GUCD1: variants seen among roughly 807,000 people sequenced by gnomAD.
The protein encoded by GUCD1 is guanylyl cyclase domain containing 1.
Under a neutral mutation model 28.3 loss-of-function variants are expected in GUCD1, and 17 were observed. The ratio of observed to expected loss-of-function variants is 0.60; its 90% CI spans 0.41 to 0.90. The LOEUF is 0.90. Ranked by LOEUF, GUCD1 falls within the 40% of genes least tolerant of loss-of-function variation. The probability of loss-of-function intolerance (pLI) is 0.00; values close to 1 mark genes in which losing one functional copy is unlikely to be tolerated. For missense variants in GUCD1, 279 were observed against 305.5 expected (o/e 0.91, Z 0.65); for synonymous variants, 129 against 123.3 (o/e 1.05, Z -0.30).
At chr22:24,547,030 G>C (rs746314991) in intron 3 of GUCD1, 25 bp from the exon 4 acceptor site, 1 of 1,566,418 alleles carries the variant, frequency 6.4e-7, no homozygotes, top group Non-Finnish European at 8.8e-7. Flanking sequence ...GGGGGATGGA[G>C]TGGCCACCAC....
At chr22:24,545,802 AC>A (rs934860927) in intron 4 of GUCD1, among the ~76,000 whole-genome samples, 6 of 151,508 alleles carry the variant, frequency 4.0e-5, no homozygotes, top group African/African-American at 1.5e-4. Flanking sequence ...ACGGGGTTTC[AC>A]CATGATCTCG....
At position 24,543,054 on chromosome 22, in the gene GUCD1, G is replaced by C; in HGVS notation, c.672C>G (p.Thr224=). Residue 224 remains threonine, a synonymous_variant, in exon 6 of 6, where the codon ACC becomes ACG. Coordinates refer to ENST00000435822, the MANE Select transcript of GUCD1 (RefSeq NM_001284254.2). ...TSISNFEEAR[T]SYGTDEDILF... Reference sequence around the variant, plus strand: ...GGATGTCCTCATCTGTGCCATAGCTGGTTCTGGCCTCCTCAAAGTTACTGA... The same window carrying C: ...GGATGTCCTCATCTGTGCCATAGCTCGTTCTGGCCTCCTCAAAGTTACTGA... The C allele has an allele frequency of 1.2e-6, 2 of 1,614,050 alleles. No homozygotes were observed. Among genetic ancestry groups the C allele is most frequent in the Non-Finnish European group, 1.7e-6 (2 of 1,179,904 alleles).
intron 5 of GUCD1, 90 bp from the exon 6 acceptor site, chr22:24,543,187 G>A: frequency 1.1e-6 from 1 of 924,584 alleles, no homozygotes; most frequent in South Asian, 1.3e-5. Flanking sequence ...GCTGAGTGAG[G>A]TCTGTTTCCC....
At chr22:24,554,345 G>T (rs189818913) in intron 1 of GUCD1, among the ~76,000 whole-genome samples, 1 of 152,160 alleles carries the variant, frequency 6.6e-6, no homozygotes, top group Admixed American at 6.5e-5. Flanking sequence ...TGAAGGTCAG[G>T]GTCCCACATG....
At chr22:24,553,091 G>A (rs1375258155) in intron 1 of GUCD1, among the ~76,000 whole-genome samples, 4 of 152,242 alleles carry the variant, frequency 2.6e-5, no homozygotes, top group African/African-American at 4.8e-5. Flanking sequence ...CTCTATGCAG[G>A]ATGTTGTGCT....
upstream of GUCD1, chr22:24,555,150 A>G: frequency 7.7e-7 from 1 of 1,306,874 alleles, no homozygotes; most frequent in Non-Finnish European, 9.7e-7. Flanking sequence ...GGCCGCCCCA[A>G]GCGCCGCCCC....
upstream of GUCD1, chr22:24,555,245 T>A (rs892040861): frequency 5.4e-5 from 71 of 1,320,842 alleles, no homozygotes; most frequent in Non-Finnish European, 6.6e-5. Flanking sequence ...CCCAGCCTCT[T>A]GATTTAAGTC....
intron 2 of GUCD1, 77 bp from the exon 3 acceptor site, chr22:24,548,150 C>A: frequency 7.8e-7 from 1 of 1,287,890 alleles, no homozygotes; most frequent in Non-Finnish European, 1.1e-6. Context: ...CCCACTGGCC[C>A]AAGAGCCCCG....
In GUCD1 at chr22:24,541,343, G is replaced by C. The variant is rs1030901225; in HGVS notation, c.*1663C>G. 1 of 152,312 alleles carries C rather than the reference G, an allele frequency of 6.6e-6. No individual in the cohort carries two copies. The highest frequency in any genetic ancestry group is 2.4e-5 in the African/African-American group (1 of 41,458). 9.4% of individuals were successfully genotyped at this position (152,312 alleles called of 1,614,324 possible). A position where few individuals can be genotyped will look rare whatever the true frequency, so the allele number is the denominator to read the frequency against. On this transcript the variant is annotated 3_prime_UTR_variant, in exon 6 of 6. Coordinates refer to ENST00000435822, the MANE Select transcript of GUCD1 (RefSeq NM_001284254.2). ...GAGCAGGACCCAGGAGTGCAGGGAT[G>C]GTATCACTGTTGCCCCTTTGAAAAT... is the stretch of plus-strand genomic sequence containing the variant.
intron 2 of GUCD1, 74 bp downstream of exon 2, chr22:24,548,843 C>A: frequency 8.6e-7 from 1 of 1,161,444 alleles, no homozygotes; most frequent in South Asian, 1.4e-5. Flanking sequence ...ATGGATCCCA[C>A]CCAGGTCTCT....
chr22:24,543,756 A>C, intron 5 of GUCD1, 86 bp downstream of exon 5: 2 of 1,528,200 alleles, frequency 1.3e-6, no homozygotes, highest in Admixed American at 1.7e-5. Context: ...GCCACACTAG[A>C]TTGAATGGGT....
intron 3 of GUCD1, 114 bp downstream of exon 3, chr22:24,547,794 G>T (rs1402500002): frequency 3.7e-6 from 4 of 1,083,704 alleles, no homozygotes; most frequent in Non-Finnish European, 5.4e-6. Flanking sequence ...TGCACACCTG[G>T]GTATCTACCT....
intron 1 of GUCD1, among the ~76,000 whole-genome samples, chr22:24,549,249 C>CAAT (rs539333226): frequency 8.5e-5 from 13 of 152,342 alleles, no homozygotes; most frequent in African/African-American, 3.1e-4. Flanking sequence ...TTCCTTAAGA[C>CAAT]AATACCTCCA....
chr22:24,550,809 A>AG (rs1185610051), intron 1 of GUCD1, among the ~76,000 whole-genome samples: 1 of 151,402 alleles, frequency 6.6e-6, no homozygotes. Flanking sequence ...GGCCATTTCC[A>AG]GGGCCTTCCC....
intron 1 of GUCD1, among the ~76,000 whole-genome samples, chr22:24,552,510 G>A (rs2044904135): frequency 1.3e-5 from 2 of 152,188 alleles, no homozygotes; most frequent in Admixed American, 6.5e-5. Flanking sequence ...AGTGGCTCAC[G>A]CCTGTAATCC....
At chr22:24,544,831 G>A (rs1002073795) in intron 4 of GUCD1, among the ~76,000 whole-genome samples, 50 of 152,268 alleles carry the variant, frequency 3.3e-4, no homozygotes, top group African/African-American at 1.2e-3. Context: ...GGGCAACACA[G>A]CAGTACCCTG....
chr22:24,547,183 A>G (rs1401114985), intron 3 of GUCD1, 178 bp from the exon 4 acceptor site: 9 of 592,158 alleles, frequency 1.5e-5, no homozygotes, highest in Non-Finnish European at 2.7e-5. Context: ...TGTCCTAAGC[A>G]GGAGCAGGGA....
At position 24,542,947 on chromosome 22, in the gene GUCD1, G is replaced by A; in HGVS notation, c.*59C>T. The A allele has an allele frequency of 1.6e-6, 2 of 1,269,482 alleles. No homozygotes were observed. Among genetic ancestry groups the A allele is most frequent in the East Asian group, 2.3e-5 (1 of 43,178 alleles). The allele number at this position is 1,269,482 out of a possible 1,614,324, so 78.6% of individuals were successfully genotyped here. On this transcript the variant is annotated 3_prime_UTR_variant, in exon 6 of 6. Coordinates refer to ENST00000435822, the MANE Select transcript of GUCD1 (RefSeq NM_001284254.2). ...CCAAGCCTGGGCCAGGGCATCCTGA[G>A]CGGGCCCGGCTGGGGTGGGGATGGG... is the stretch of plus-strand genomic sequence containing the variant.
rs753178609 is a variant in GUCD1 at position 24,554,937 on chromosome 22, A to G, written c.43+12T>C. Reference sequence around the variant, plus strand: ...CCTAGGGTGAAGACTGGGCCCACAGAGAGGCACTGACCGGGCTCGAGCGGC... The same window carrying G: ...CCTAGGGTGAAGACTGGGCCCACAGGGAGGCACTGACCGGGCTCGAGCGGC... On this transcript the variant is annotated intron_variant, in intron 1 of 5. Transcript: ENST00000435822. 5.1e-6 allele frequency: 8 copies of G among 1,571,898 alleles called. No homozygotes were observed. The East Asian group carries it at 2.0e-4, about 39-fold the overall frequency.
Sources: gnomAD v4.1 joint callset for allele counts (sites outside exome capture counted in the v4.1 genomes callset) on GRCh38, gnomAD v4.1.1 for gene constraint, MANE v1.5 for transcripts, NCBI Gene and HGNC (gene_info 2026-07-23, HGNC 2026-07-21) for gene names.